The following SOX6 variants were observed in gnomAD, a reference collection of about 807,000 sequenced individuals.
SOX6 encodes SRY-box transcription factor 6.
SOX6 carries 11 observed loss-of-function variants against 97.8 expected under a neutral mutation model. The ratio of observed to expected loss-of-function variants is 0.11; its 90% confidence interval spans 0.07 to 0.19. The LOEUF is 0.19. Ranked by LOEUF, SOX6 falls within the 10% of genes least tolerant of loss-of-function variation. The pLI, the probability that SOX6 is intolerant of heterozygous loss-of-function variation, is 1.00. For synonymous variants in SOX6, 360 were observed against 371.4 expected (o/e 0.97, Z 0.35); for missense variants, 810 against 1,039.5 (o/e 0.78, Z 3.04).
intron 9 of SOX6, among the ~76,000 whole-genome samples, chr11:16,093,674 A>G (rs1008822784): frequency 4.6e-5 from 7 of 151,880 alleles, no homozygotes; most frequent in African/African-American, 1.5e-4. Context: ...AGTTAATATC[A>G]TTGTAATGCT....
At chr11:15,973,801 G>A (rs1212445874) in intron 15 of SOX6, among the ~76,000 whole-genome samples, 2 of 152,158 alleles carry the variant, frequency 1.3e-5, no homozygotes, top group African/African-American at 4.8e-5. Flanking sequence ...GAGTAGAGTT[G>A]CAGAGTAGAC....
In SOX6 at chr11:16,440,232, G is replaced by A. The variant is rs149457301; in HGVS notation, c.-5+36083C>T. 1.4e-4 allele frequency among the ~76,000 whole-genome samples: 22 copies of A among 152,222 alleles called. No homozygotes were observed. The East Asian group carries it at 3.9e-3, about 27-fold the overall frequency. ...AGCCATTTGCCTATAACACTTCAGG[G>A]GCTAGGAAAAACGGATTTGCCGTTC... On this transcript the variant is annotated intron_variant, in intron 1 of 15. Coordinates refer to the SOX6 transcript ENST00000396356.
At chr11:16,564,797 G>C (rs1427001965) in intron 4 of SOX6, among the ~76,000 whole-genome samples, 1 of 151,754 alleles carries the variant, frequency 6.6e-6, no homozygotes, top group African/African-American at 2.4e-5. Context: ...AAATTTCTGA[G>C]GCATGGCTAA....
intron 1 of SOX6, among the ~76,000 whole-genome samples, chr11:16,409,580 T>C (rs921158770): frequency 1.3e-5 from 2 of 152,140 alleles, no homozygotes; most frequent in African/African-American, 2.4e-5. Flanking sequence ...ACAAATATCC[T>C]TTAAATTTTA....
intron 7 of SOX6, among the ~76,000 whole-genome samples, chr11:16,101,102 T>A (rs1320373493): frequency 6.6e-6 from 1 of 151,716 alleles, no homozygotes. Flanking sequence ...CTTTATGAGC[T>A]ATAGCCATTC....
chr11:16,481,705 A>G (rs564994158), intron 4 of SOX6, among the ~76,000 whole-genome samples: 23 of 152,288 alleles, frequency 1.5e-4, no homozygotes, highest in Middle Eastern at 3.4e-3. Flanking sequence ...TGCATGTTCA[A>G]TGATGGTGGT....
intron 9 of SOX6, among the ~76,000 whole-genome samples, chr11:16,060,404 T>C (rs1002681192): frequency 2.0e-5 from 3 of 151,944 alleles, no homozygotes; most frequent in Non-Finnish European, 4.4e-5. Context: ...TACAGCCACA[T>C]TCCATAATCC....
At chr11:16,553,138 C>G (rs1055825923) in intron 4 of SOX6, among the ~76,000 whole-genome samples, 17 of 152,050 alleles carry the variant, frequency 1.1e-4, no homozygotes, top group African/African-American at 3.6e-4. Flanking sequence ...CCTAGTAATG[C>G]AGGACAAGTG....
chr11:16,340,501 G>C (rs908320946), intron 2 of SOX6, among the ~76,000 whole-genome samples: 1 of 151,972 alleles, frequency 6.6e-6, no homozygotes, highest in Non-Finnish European at 1.5e-5. Flanking sequence ...AGGTTTGCAT[G>C]CCCTTTTGAA....
chr11:16,736,158 C>T (rs1238126325), intron 2 of SOX6, among the ~76,000 whole-genome samples: 2 of 152,076 alleles, frequency 1.3e-5, no homozygotes, highest in South Asian at 2.1e-4. Flanking sequence ...TATTAACTAC[C>T]GTGTGGCAGG....
chr11:16,329,800 T>C (rs1000775283), intron 2 of SOX6, among the ~76,000 whole-genome samples: 1 of 152,190 alleles, frequency 6.6e-6, no homozygotes, highest in Non-Finnish European at 1.5e-5. Context: ...CTTTCACTAA[T>C]AGAGGATTTA....
intron 1 of SOX6, among the ~76,000 whole-genome samples, chr11:16,379,939 C>T (rs1857759856): frequency 6.6e-6 from 1 of 151,710 alleles, no homozygotes; most frequent in African/African-American, 2.4e-5. Context: ...ATCATAGAAA[C>T]TGTAAATGAT....
intron 3 of SOX6, among the ~76,000 whole-genome samples, chr11:16,683,754 G>T (rs1847946670): frequency 6.6e-6 from 1 of 152,162 alleles, no homozygotes; most frequent in African/African-American, 2.4e-5. Flanking sequence ...TTAAACTAAA[G>T]AGCTTCTGCA....
chr11:16,576,004 T>A (rs1477453624), intron 4 of SOX6, among the ~76,000 whole-genome samples: 4 of 152,158 alleles, frequency 2.6e-5, no homozygotes, highest in African/African-American at 7.2e-5. Context: ...ATAATGTATA[T>A]GGAAAGGTCT....
chr11:16,317,818 T>TTA (rs781574437), intron 3 of SOX6: 1 of 235,904 alleles, frequency 4.2e-6, no homozygotes, highest in Non-Finnish European at 8.7e-6. Context: ...CTTGATTTAC[T>TTA]TTGTTTAAAA....
At chr11:16,532,630 T>C (rs533477883) in intron 4 of SOX6, among the ~76,000 whole-genome samples, 3 of 152,018 alleles carry the variant, frequency 2.0e-5, no homozygotes, top group Non-Finnish European at 4.4e-5. Context: ...TCCAGAGTAA[T>C]TGAAGGAAAA....
chr11:16,220,839 T>C (rs1012086569), intron 4 of SOX6, among the ~76,000 whole-genome samples: 3 of 152,060 alleles, frequency 2.0e-5, no homozygotes, highest in Non-Finnish European at 4.4e-5. Context: ...AATTTATACC[T>C]ATCATGAATC....
chr11:16,667,833 T>C (rs1245559963), intron 3 of SOX6, among the ~76,000 whole-genome samples: 1 of 152,144 alleles, frequency 6.6e-6, no homozygotes, highest in African/African-American at 2.4e-5. Context: ...AAATCTTCAG[T>C]AGAAAGACTA....
At chr11:16,217,353 C>T (rs1258584636) in intron 4 of SOX6, among the ~76,000 whole-genome samples, 1 of 151,946 alleles carries the variant, frequency 6.6e-6, no homozygotes, top group Non-Finnish European at 1.5e-5. Context: ...GTTCCTGGGT[C>T]CAGATAAAAC....
Sources: allele counts gnomAD v4.1 joint callset (sites outside exome capture counted in the v4.1 genomes callset), GRCh38; gene constraint gnomAD v4.1.1; transcripts MANE v1.5; gene names NCBI Gene and HGNC (gene_info 2026-07-23, HGNC 2026-07-21).